The following CELF2 variants were observed in gnomAD, a reference collection of about 807,000 sequenced individuals.
CELF2 encodes CUG triplet repeat RNA-binding protein 2.
A neutral mutation model predicts 62.6 loss-of-function variants in CELF2; 8 were observed. That is an observed-to-expected ratio of 0.13 (90% CI 0.07 to 0.23). The LOEUF is 0.23. CELF2 is among the 10% of genes least tolerant of loss of function. The pLI is 1.00. For missense variants in CELF2, 333 were observed against 671.0 expected (o/e 0.50, Z 5.56); for synonymous variants, 258 against 250.0 (o/e 1.03, Z -0.30).
intron 1 of CELF2, among the ~76,000 whole-genome samples, chr10:11,116,179 T>C (rs1337349405): frequency 6.6e-6 from 1 of 152,240 alleles, no homozygotes. Context: ...CGTAGAAATG[T>C]ACAAACCATC....
intron 1 of CELF2, among the ~76,000 whole-genome samples, chr10:11,099,039 C>T (rs1437320808): frequency 2.6e-5 from 4 of 152,240 alleles, no homozygotes; most frequent in East Asian, 1.9e-4. Flanking sequence ...GAATTAGGAC[C>T]GTCGTCCTGG....
rs2064572542 is a variant in CELF2 at position 11,220,604 on chromosome 10, C to G, written c.354+3097C>G. Among the ~76,000 whole-genome samples the G allele has an allele frequency of 1.3e-5, 2 of 152,234 alleles. No homozygotes were observed. Among genetic ancestry groups the G allele is most frequent in the South Asian group, 4.1e-4 (2 of 4,834 alleles). ...ACACGTTTCTCAAACTTGCCTCTTA[C>G]TGGGTAACCAAAGAAGACGCTCTGT... On this transcript the variant is annotated intron_variant, in intron 3 of 12. Coordinates refer to ENST00000633077, the MANE Select transcript of CELF2 (RefSeq NM_001326342.2). The surrounding 1 kb of genome is among the most constrained non-coding windows in gnomAD (Gnocchi z 4.4).
intron 1 of CELF2, among the ~76,000 whole-genome samples, chr10:11,100,212 TAAATAAATA>T (rs1360058701): frequency 1.6e-5 from 2 of 123,726 alleles, no homozygotes; most frequent in Non-Finnish European, 3.1e-5. Flanking sequence ...TCAAAATAAA[TAAATAAATA>T]AAATAAATAA....
Position 10,931,671 on chromosome 10 carries a change from TAA to T in CELF2, c.89+11675_89+11676del, listed in dbSNP as rs2066073878. 6.6e-6 allele frequency among the ~76,000 whole-genome samples: 1 copy of T among 152,214 alleles called. No individual in the cohort carries two copies. Among genetic ancestry groups the T allele is most frequent in the South Asian group, 2.1e-4 (1 of 4,832 alleles). ...TTTCTGCGTATGGTTTACAAGTTTT[TAA>T]AATACATACCTAATTAATAATGGAG... On this transcript the variant is annotated intron_variant, in intron 2 of 13. Transcript: ENST00000636488. The surrounding 1 kb of genome is among the most constrained non-coding windows in gnomAD (Gnocchi z 6.1).
chr10:11,105,804 G>T (rs1292767750), intron 1 of CELF2, among the ~76,000 whole-genome samples: 2 of 152,120 alleles, frequency 1.3e-5, no homozygotes, highest in Non-Finnish European at 2.9e-5. Context: ...GAGCTTGCAG[G>T]CTCCCCCACC....
the CELF2 span, among the ~76,000 whole-genome samples, chr10:10,665,989 C>G: frequency 2.0e-5 from 3 of 152,158 alleles, no homozygotes; most frequent in Non-Finnish European, 4.4e-5. Context: ...TACGAAGAGT[C>G]AGGGACTTTC....
intron 1 of CELF2, among the ~76,000 whole-genome samples, chr10:11,081,164 G>C (rs552001011): frequency 6.6e-6 from 1 of 152,312 alleles, no homozygotes; most frequent in East Asian, 1.9e-4. Flanking sequence ...ATTGGTTCTA[G>C]CAGATAAGAA....
Position 11,191,550 on chromosome 10 carries a change from C to G in CELF2, c.271+25868C>G, listed in dbSNP as rs542697030. On this transcript the variant is annotated intron_variant, in intron 2 of 12. Coordinates refer to ENST00000633077, the MANE Select transcript of CELF2 (RefSeq NM_001326342.2). The surrounding 1 kb of genome is among the most constrained non-coding windows in gnomAD (Gnocchi z 4.1). ...ATCAAGGGGGCATACAACAGGGACA[C>G]CACCTTGAAATCTGAAGTCACTGAG... Among the ~76,000 whole-genome samples the G allele has an allele frequency of 5.3e-5, 8 of 152,220 alleles. No individual in the cohort carries two copies. The highest frequency in any genetic ancestry group is 1.4e-4 in the African/African-American group (6 of 41,540).
intron 2 of CELF2, chr10:11,168,848 A>G (rs143278438): frequency 6.6e-6 from 1 of 152,310 alleles, no homozygotes; most frequent in Non-Finnish European, 1.5e-5. Context: ...TTCTCACTGT[A>G]GGGGCATGTA....
At chr10:10,864,379 C>T (rs1433617171) in intron 1 of CELF2, among the ~76,000 whole-genome samples, 1 of 152,178 alleles carries the variant, frequency 6.6e-6, no homozygotes. Context: ...TTATTTGCCA[C>T]TCTTGACTGA....
the CELF2 span, among the ~76,000 whole-genome samples, chr10:10,475,032 C>T: frequency 2.0e-5 from 3 of 152,058 alleles, no homozygotes; most frequent in Non-Finnish European, 4.4e-5. Flanking sequence ...TGAGAAGATG[C>T]CAAGTTCAGA....
chr10:10,951,347 G>A (rs929930715), intron 2 of CELF2, among the ~76,000 whole-genome samples: 2 of 152,134 alleles, frequency 1.3e-5, no homozygotes, highest in African/African-American at 4.8e-5. Context: ...ACATTGCCCA[G>A]GCTGGTCTTG....
the CELF2 span, among the ~76,000 whole-genome samples, chr10:10,756,574 G>T: frequency 6.6e-6 from 1 of 152,078 alleles, no homozygotes; most frequent in Non-Finnish European, 1.5e-5. Flanking sequence ...GGATCCCTTA[G>T]ATTCCCATTG....
chr10:10,612,411 A>T, the CELF2 span, among the ~76,000 whole-genome samples: 1 of 152,198 alleles, frequency 6.6e-6, no homozygotes, highest in East Asian at 1.9e-4. Flanking sequence ...GAGCTTAAGC[A>T]TCCCGTCACC....
At position 11,290,729 on chromosome 10, in the gene CELF2, G is replaced by A. The variant is rs1231209401; in HGVS notation, c.976+2177G>A. Among the ~76,000 whole-genome samples the A allele has an allele frequency of 6.6e-6, 1 of 152,194 alleles. No homozygotes were observed. The highest frequency in any genetic ancestry group is 2.1e-4 in the South Asian group (1 of 4,830). Reference sequence around the variant, plus strand: ...CGTCCTTGCCTTGACTGCTCTGTAAGAGGCTTCTTGCCCTTCAGAACACGC... The same window carrying A: ...CGTCCTTGCCTTGACTGCTCTGTAAAAGGCTTCTTGCCCTTCAGAACACGC... On this transcript the variant is annotated intron_variant, in intron 9 of 12. Coordinates refer to ENST00000633077, the MANE Select transcript of CELF2 (RefSeq NM_001326342.2). This position sits in a 1 kb window ranked among gnomAD's most constrained non-coding sequence, Gnocchi z 4.3.
At chr10:11,081,331 G>A (rs902606678) in intron 1 of CELF2, among the ~76,000 whole-genome samples, 2 of 152,190 alleles carry the variant, frequency 1.3e-5, no homozygotes, top group African/African-American at 2.4e-5. Flanking sequence ...AGGAGTTGGT[G>A]TCTAAATCTC....
the CELF2 span, among the ~76,000 whole-genome samples, chr10:10,716,368 C>G: frequency 6.6e-6 from 1 of 152,162 alleles, no homozygotes; most frequent in African/African-American, 2.4e-5. Flanking sequence ...TGGCGAAACC[C>G]CGCCTCTACT....
At chr10:11,230,187 C>T (rs889595243) in intron 3 of CELF2, among the ~76,000 whole-genome samples, 5 of 152,212 alleles carry the variant, frequency 3.3e-5, no homozygotes, top group South Asian at 2.1e-4. Flanking sequence ...GGGTCTTACA[C>T]GTTCACACAG....
chr10:10,640,407 A>G, the CELF2 span, among the ~76,000 whole-genome samples: 3 of 152,290 alleles, frequency 2.0e-5, no homozygotes, highest in East Asian at 3.9e-4. Context: ...TTAATCATGC[A>G]TCAAGACTTT....
Sources: gnomAD v4.1 joint callset for allele counts (sites outside exome capture counted in the v4.1 genomes callset) on GRCh38, gnomAD v4.1.1 for gene constraint, Gnocchi (gnomAD v3.1) non-coding constraint, MANE v1.5 for transcripts, NCBI Gene and HGNC (gene_info 2026-07-23, HGNC 2026-07-21) for gene names.